Variants in EXOC2 observed in about 807,000 individuals in gnomAD.
EXOC2 encodes the protein SEC5-like 1.
In EXOC2, 70 loss-of-function variants were observed where a neutral mutation model predicts 131.8. That is an observed-to-expected ratio of 0.53 (90% CI 0.44 to 0.65). The LOEUF (loss-of-function observed/expected upper bound fraction) is 0.65. Among genes scored for constraint, EXOC2 ranks in the 30% least tolerant of loss-of-function variants. EXOC2 has a pLI of 0.00. For synonymous variants in EXOC2, 411 were observed against 398.4 expected (o/e 1.03, Z -0.38); for missense variants, 923 against 1,108.6 (o/e 0.83, Z 2.38).
intron 6 of EXOC2, among the ~76,000 whole-genome samples, chr6:616,221 C>G (rs1400590893): frequency 6.6e-6 from 1 of 152,130 alleles, no homozygotes; most frequent in Non-Finnish European, 1.5e-5. Context: ...GAATGGCACA[C>G]CATCAAGAAA....
intron 1 of EXOC2, among the ~76,000 whole-genome samples, chr6:682,668 T>A (rs1764465690): frequency 6.6e-6 from 1 of 152,090 alleles, no homozygotes; most frequent in African/African-American, 2.4e-5. Context: ...ATAATTGACA[T>A]AAAAGGCCAC....
At chr6:528,400 A>G (rs564754862) in intron 23 of EXOC2, among the ~76,000 whole-genome samples, 42 of 152,372 alleles carry the variant, frequency 2.8e-4, no homozygotes, top group African/African-American at 1.0e-3. Flanking sequence ...TTGGCTGCTC[A>G]CTTTACACAA....
chr6:498,520 TCCTG>T (rs1334192621), intron 24 of EXOC2, among the ~76,000 whole-genome samples: 7 of 152,242 alleles, frequency 4.6e-5, no homozygotes, highest in African/African-American at 1.4e-4. Context: ...TGTGGTGACT[TCCTG>T]CCTGAGTTAA....
At chr6:629,060 G>T (rs1348748321) in intron 4 of EXOC2, among the ~76,000 whole-genome samples, 1 of 152,160 alleles carries the variant, frequency 6.6e-6, no homozygotes, top group Non-Finnish European at 1.5e-5. Flanking sequence ...TCAAGAGTAG[G>T]CTTGAAGATT....
chr6:585,364 G>A (rs1048847204), intron 11 of EXOC2, among the ~76,000 whole-genome samples: 1 of 152,228 alleles, frequency 6.6e-6, no homozygotes, highest in Admixed American at 6.5e-5. Flanking sequence ...TGTGTGAGGT[G>A]CAAGGGTGAG....
At chr6:677,928 A>C (rs1370888162) in intron 1 of EXOC2, among the ~76,000 whole-genome samples, 4 of 104,940 alleles carry the variant, frequency 3.8e-5, no homozygotes, top group Admixed American at 1.2e-4. Flanking sequence ...CTGTGCTTAT[A>C]ATCTCTCACA....
chr6:656,920 C>T (rs141317068), intron 1 of EXOC2: 40 of 1,535,136 alleles, frequency 2.6e-5, no homozygotes, highest in Middle Eastern at 1.7e-4. Flanking sequence ...CAGCCTTTGC[C>T]GGTGATCTTG....
intron 1 of EXOC2, among the ~76,000 whole-genome samples, chr6:658,667 T>TATTTTTTATATATATATATATATATA (rs1561983437): frequency 1.5e-5 from 1 of 65,202 alleles, no homozygotes; most frequent in African/African-American, 5.0e-5. Context: ...ATATATATAT[T>TATTTTTTATATATATATATATATATA]TTTTTTTTTT....
Position 491,154 on chromosome 6 carries a change from A to G in EXOC2, c.2592T>C (p.Thr864=). ...TTTCGGGTGTCAGGTAAACAGCCAC[A>G]GTGTCCCTCAAAGCACAGATTTCAA... The part of the protein sequence containing the change: ...ARLEICALRD[T]VAVYLTPESK... The change falls in exon 26 of 28, where the codon ACT becomes ACC. Residue 864 remains threonine, a synonymous_variant. Coordinates refer to ENST00000230449, the MANE Select transcript of EXOC2 (RefSeq NM_018303.6). 6.2e-7 allele frequency: 1 copy of G among 1,614,228 alleles called. No homozygotes were observed. The highest frequency in any genetic ancestry group is 8.5e-7 in the Non-Finnish European group (1 of 1,180,042).
rs188485156 is a variant in EXOC2, at chr6:501,730, G to T, written c.2381-2030C>A. Among the ~76,000 whole-genome samples the T allele has an allele frequency of 8.7e-5, 12 of 137,906 alleles. No homozygotes were observed. The South Asian group carries it at 2.4e-3, about 28-fold the overall frequency. 90.5% of individuals were successfully genotyped at this position (137,906 alleles called of 152,430 possible). On this transcript the variant is annotated intron_variant, in intron 23 of 27. Transcript: ENST00000230449. ...CTATATAAAAGATATATCTATCTAT[G>T]TATATATATTGGCTCCTCAAAACAA...
At chr6:558,564 C>T (rs1212851542) in intron 17 of EXOC2, among the ~76,000 whole-genome samples, 1 of 152,182 alleles carries the variant, frequency 6.6e-6, no homozygotes, top group African/African-American at 2.4e-5. Context: ...GTAATCCCGG[C>T]ACTTTGGGAG....
rs895053996 is a variant in EXOC2, at chr6:572,646, TA to T, written c.1319-3del. ...TGTGGGGAGTTTTGTATCTCCACGCTAAGGGGGAAAAGAATAAAATACTATG... is the reference window on the plus strand; with the variant it reads ...TGTGGGGAGTTTTGTATCTCCACGCTAGGGGGAAAAGAATAAAATACTATG... On this transcript the variant is annotated splice_region_variant and splice_polypyrimidine_tract_variant and intron_variant, in intron 12 of 27. Transcript: ENST00000230449. The T allele has an allele frequency of 2.5e-6, 4 of 1,611,890 alleles. No homozygotes were observed. Among genetic ancestry groups the T allele is most frequent in the Admixed American group, 1.7e-5 (1 of 59,268 alleles).
At chr6:590,668 T>C (rs1759491239) in intron 11 of EXOC2, among the ~76,000 whole-genome samples, 1 of 152,220 alleles carries the variant, frequency 6.6e-6, no homozygotes, top group Non-Finnish European at 1.5e-5. Context: ...CTGCTTCATC[T>C]TGGAGATTTT....
chr6:631,409 G>A (rs76387350), intron 3 of EXOC2, among the ~76,000 whole-genome samples: 7,693 of 152,094 alleles, frequency 0.051, 307 homozygotes, highest in East Asian at 0.16. Flanking sequence ...ATGGTGGCAC[G>A]CACCTGTAAT....
intron 22 of EXOC2, 144 bp downstream of exon 22, chr6:549,031 C>T: frequency 2.9e-6 from 2 of 690,188 alleles, no homozygotes; most frequent in Non-Finnish European, 5.2e-6. Context: ...AAAGCTTTAG[C>T]AGGGTGAAGG....
chr6:678,496 G>A (rs570099327), intron 1 of EXOC2, among the ~76,000 whole-genome samples: 3 of 152,344 alleles, frequency 2.0e-5, no homozygotes, highest in African/African-American at 7.2e-5. Context: ...GCGCTGACAC[G>A]CCAGAGACTG....
At chr6:546,535 T>TC (rs1011311453) in intron 22 of EXOC2, among the ~76,000 whole-genome samples, 37 of 152,150 alleles carry the variant, frequency 2.4e-4, no homozygotes, top group African/African-American at 8.9e-4. Flanking sequence ...ACTATGTGGG[T>TC]CCACTTATAC....
chr6:572,750 ACT>A, intron 12 of EXOC2, 106 bp from the exon 13 acceptor site: 2 of 1,387,338 alleles, frequency 1.4e-6, no homozygotes, highest in Non-Finnish European at 2.0e-6. Flanking sequence ...TCCAACATGC[ACT>A]AGGAATAGCC....
intron 4 of EXOC2, among the ~76,000 whole-genome samples, chr6:623,455 A>C (rs1306312829): frequency 1.3e-5 from 2 of 152,374 alleles, no homozygotes; most frequent in South Asian, 2.1e-4. Context: ...ACATGTATTG[A>C]GACTTATAGC....
Sources: allele counts gnomAD v4.1 joint callset (sites outside exome capture counted in the v4.1 genomes callset), GRCh38; gene constraint gnomAD v4.1.1; transcripts MANE v1.5; gene names NCBI Gene and HGNC (gene_info 2026-07-23, HGNC 2026-07-21).